Variants in IMMP2L observed in about 807,000 individuals in gnomAD.
The protein encoded by IMMP2L is mitochondrial inner membrane protease subunit 2.
In IMMP2L, 18 loss-of-function variants were observed where a neutral mutation model predicts 19.3. That is an observed-to-expected ratio of 0.93 (90% CI 0.64 to 1.38). IMMP2L has a LOEUF of 1.38. Among genes scored for constraint, IMMP2L ranks in the 40% most tolerant of loss-of-function variants. IMMP2L has a pLI of 0.00. For synonymous variants in IMMP2L, 76 were observed against 73.0 expected, an observed-to-expected ratio of 1.04 and a Z score of -0.21; for missense variants, 233 against 218.2, an observed-to-expected ratio of 1.07 and a Z score of -0.43.
chr7:110,663,841 T>TA lies in IMMP2L; in HGVS notation c.409-121dup, dbSNP rs554147736. On this transcript the variant is annotated intron_variant, in intron 5 of 5. Coordinates refer to ENST00000405709, the MANE Select transcript of IMMP2L (RefSeq NM_032549.4). ...CATCCCAGGGAGAAGTGATGATGAA[T>TA]AAAAAAAATAGTAAACACCTTTTGT... The TA allele has an allele frequency of 2.2e-3, 1,333 of 605,258 alleles. 13 individuals carry two copies. The African/African-American group carries it at 0.023, about 11-fold the overall frequency. 37.5% of individuals were successfully genotyped at this position (605,258 alleles called of 1,614,324 possible).
intron 3 of IMMP2L, among the ~76,000 whole-genome samples, chr7:111,440,655 G>A (rs1165759693): frequency 2.6e-5 from 4 of 151,800 alleles, no homozygotes; most frequent in African/African-American, 9.7e-5. Flanking sequence ...GAGTGGTCAA[G>A]GACCATTGGC....
At chr7:111,048,056 G>A (rs949542042) in intron 3 of IMMP2L, among the ~76,000 whole-genome samples, 6 of 151,492 alleles carry the variant, frequency 4.0e-5, no homozygotes, top group African/African-American at 1.5e-4. Context: ...TGGCTAACAC[G>A]GTGAAACCCC....
rs150280445 is a variant in IMMP2L, at chr7:111,111,123, T to C, written c.240-147558A>G. Among the ~76,000 whole-genome samples the C allele has an allele frequency of 3.4e-3, 523 of 152,194 alleles. 2 individuals are homozygous for C. Among genetic ancestry groups the C allele is most frequent in the African/African-American group, 0.012 (497 of 41,516 alleles). Reference sequence around the variant, plus strand: ...ACTTAGCTTTCACCTAATCCACATATGAGATGAATACCAGGCTTCTAAGAG... The same window carrying C: ...ACTTAGCTTTCACCTAATCCACATACGAGATGAATACCAGGCTTCTAAGAG... On this transcript the variant is annotated intron_variant, in intron 3 of 5. Transcript: ENST00000405709.
chr7:111,502,664 A>T lies in IMMP2L; in HGVS notation c.136-15323T>A, dbSNP rs1407564103. Among the ~76,000 whole-genome samples the T allele has an allele frequency of 3.3e-5, 5 of 151,774 alleles. 1 individual carries two copies. The highest frequency in any genetic ancestry group is 3.9e-4 in the East Asian group (2 of 5,190). ...TCAAACTAGAACTCAGGATTAAGAA[A>T]CTCACTCAAAACCACTCAACTACAT... On this transcript the variant is annotated intron_variant, in intron 2 of 5. Transcript: ENST00000405709.
chr7:111,515,946 T>C (rs1845837063), intron 2 of IMMP2L, among the ~76,000 whole-genome samples: 2 of 152,090 alleles, frequency 1.3e-5, no homozygotes, highest in African/African-American at 4.8e-5. Context: ...GAAGGAATAG[T>C]ATAAACAGGC....
chr7:110,963,129 CT>C (rs1445606747), intron 4 of IMMP2L: 4 of 1,477,336 alleles, frequency 2.7e-6, no homozygotes, highest in Non-Finnish European at 3.6e-6. Context: ...TCTGCATTTG[CT>C]TCTAAAATAG....
intron 1 of IMMP2L, among the ~76,000 whole-genome samples, chr7:111,543,381 A>G (rs899454847): frequency 6.6e-6 from 1 of 152,276 alleles, no homozygotes; most frequent in Non-Finnish European, 1.5e-5. Context: ...CTGCTAGTAT[A>G]ACAAACCCCT....
At chr7:111,089,280 T>A (rs1796610579) in intron 3 of IMMP2L, among the ~76,000 whole-genome samples, 1 of 152,158 alleles carries the variant, frequency 6.6e-6, no homozygotes, top group Non-Finnish European at 1.5e-5. Context: ...ATCATGTATC[T>A]GACTATCACA....
At chr7:111,412,787 C>T (rs975309134) in intron 3 of IMMP2L, among the ~76,000 whole-genome samples, 1 of 151,444 alleles carries the variant, frequency 6.6e-6, no homozygotes, top group African/African-American at 2.4e-5. Context: ...CAGACAATTC[C>T]AATTGGCAAC....
chr7:110,896,784 A>C (rs1457604051), intron 4 of IMMP2L, among the ~76,000 whole-genome samples: 1 of 152,002 alleles, frequency 6.6e-6, no homozygotes, highest in Non-Finnish European at 1.5e-5. Flanking sequence ...ATAGTTATAT[A>C]GGGAAAAATA....
chr7:110,935,354 G>GCA (rs1213522141), intron 4 of IMMP2L, among the ~76,000 whole-genome samples: 1 of 152,142 alleles, frequency 6.6e-6, no homozygotes, highest in East Asian at 1.9e-4. Flanking sequence ...TAGGGTTTCT[G>GCA]CAGAGAGATC....
At chr7:111,171,373 A>G (rs1005216097) in intron 3 of IMMP2L, among the ~76,000 whole-genome samples, 3 of 151,690 alleles carry the variant, frequency 2.0e-5, no homozygotes, top group African/African-American at 7.3e-5. Flanking sequence ...TGAATCATTG[A>G]CCACAAGGGA....
chr7:111,529,904 G>T (rs1847231593), intron 1 of IMMP2L, among the ~76,000 whole-genome samples: 1 of 152,106 alleles, frequency 6.6e-6, no homozygotes, highest in African/African-American at 2.4e-5. Flanking sequence ...ATACAACCAG[G>T]AAACAACTAG....
chr7:110,834,357 A>AGTGT (rs778407309), intron 5 of IMMP2L, among the ~76,000 whole-genome samples: 1 of 42,130 alleles, frequency 2.4e-5, no homozygotes. Flanking sequence ...CACAAAGTTA[A>AGTGT]GAGTGTGTGT....
intron 4 of IMMP2L, among the ~76,000 whole-genome samples, chr7:110,889,441 G>A (rs543764915): frequency 3.7e-4 from 57 of 152,066 alleles, no homozygotes; most frequent in Non-Finnish European, 6.2e-4. Flanking sequence ...CCTCACATGC[G>A]CATTTCACAA....
chr7:110,903,842 G>A (rs907548166), intron 4 of IMMP2L, among the ~76,000 whole-genome samples: 10 of 151,492 alleles, frequency 6.6e-5, no homozygotes, highest in East Asian at 3.9e-4. Flanking sequence ...GATTCCCACC[G>A]ACAGTGTTCA....
chr7:110,978,859 C>T (rs971518851), intron 3 of IMMP2L, among the ~76,000 whole-genome samples: 7 of 151,956 alleles, frequency 4.6e-5, no homozygotes, highest in South Asian at 2.1e-4. Context: ...ACCAAAAACA[C>T]GAAGCCCTGT....
intron 3 of IMMP2L, among the ~76,000 whole-genome samples, chr7:111,313,740 ATG>A (rs1157798096): frequency 6.6e-6 from 1 of 152,104 alleles, no homozygotes; most frequent in East Asian, 1.9e-4. Context: ...TAACTAGACT[ATG>A]TGTATCAGGT....
At chr7:111,534,836 A>C (rs1351443069) in intron 1 of IMMP2L, among the ~76,000 whole-genome samples, 1 of 152,174 alleles carries the variant, frequency 6.6e-6, no homozygotes, top group African/African-American at 2.4e-5. Flanking sequence ...GAGGCTGAGC[A>C]TACCAACGAA....
Sources: allele counts gnomAD v4.1 joint callset (sites outside exome capture counted in the v4.1 genomes callset), GRCh38; gene constraint gnomAD v4.1.1; transcripts MANE v1.5; gene names NCBI Gene and HGNC (gene_info 2026-07-23, HGNC 2026-07-21).